The following ZPBP variants were observed in gnomAD, a reference collection of about 807,000 sequenced individuals.
ZPBP encodes the protein zona pellucida-binding protein 1.
In ZPBP, 26 loss-of-function variants were observed where a neutral mutation model predicts 44.8. The ratio of observed to expected loss-of-function variants is 0.58; its 90% confidence interval spans 0.43 to 0.81. ZPBP has a LOEUF of 0.81. Among genes scored for constraint, ZPBP ranks in the 30% least tolerant of loss-of-function variants. The probability of loss-of-function intolerance (pLI) is 0.00; values close to 1 mark genes in which losing one functional copy is unlikely to be tolerated. For missense variants in ZPBP, 409 were observed against 434.0 expected, an observed-to-expected ratio of 0.94 and a Z score of 0.51; for synonymous variants, 174 against 153.2, an observed-to-expected ratio of 1.14 and a Z score of -1.00.
chr7:49,981,056 G>T (rs921567569), intron 7 of ZPBP, among the ~76,000 whole-genome samples: 1 of 148,546 alleles, frequency 6.7e-6, no homozygotes, highest in African/African-American at 2.5e-5. Flanking sequence ...AGTTATATTA[G>T]GAAATAGAAT....
chr7:49,955,897 A>AGG (rs964634981), intron 7 of ZPBP, among the ~76,000 whole-genome samples: 3 of 152,186 alleles, frequency 2.0e-5, no homozygotes, highest in African/African-American at 7.2e-5. Flanking sequence ...CAAACTCTTG[A>AGG]GGATATACAT....
In ZPBP at chr7:50,031,243, A is replaced by C. The variant is rs746592690; in HGVS notation, c.555T>G (p.Ile185Met). 1.2e-6 allele frequency: 2 copies of C among 1,612,778 alleles called. No individual in the cohort carries two copies. The highest frequency in any genetic ancestry group is 3.3e-5 in the Admixed American group (2 of 59,990). The change falls in exon 5 of 8, where the codon ATT (isoleucine) becomes ATG (methionine). Residue 185 changes from isoleucine (I) to methionine (M), a missense_variant. Ile to Met is a conservative substitution (Grantham distance 10, BLOSUM62 1). This residue lies in a region of ZPBP where 367 missense variants were observed against 363.1 expected (regional missense o/e 1.01). Coordinates refer to ENST00000046087, the MANE Select transcript of ZPBP (RefSeq NM_007009.3). ...ARYHAAPCNS[I>M]YNISFEKKLL... ...GTTTCTTCTCAAAAGAAATATTATAAATGCTATTGCAGGGAGCTGCATGAT... is the reference window on the plus strand; with the variant it reads ...GTTTCTTCTCAAAAGAAATATTATACATGCTATTGCAGGGAGCTGCATGAT...
At chr7:50,065,013 A>G (rs1391618074) in intron 3 of ZPBP, among the ~76,000 whole-genome samples, 3 of 152,222 alleles carry the variant, frequency 2.0e-5, no homozygotes, top group Non-Finnish European at 4.4e-5. Context: ...GGAACTAATA[A>G]ATGTCCATAA....
chr7:49,956,762 T>A (rs909849489), intron 7 of ZPBP, among the ~76,000 whole-genome samples: 7 of 152,160 alleles, frequency 4.6e-5, no homozygotes, highest in Non-Finnish European at 1.0e-4. Flanking sequence ...ATCAATATCC[T>A]AGAATAATTT....
At chr7:49,988,455 G>A (rs146586585) in intron 6 of ZPBP, among the ~76,000 whole-genome samples, 168 of 151,922 alleles carry the variant, frequency 1.1e-3, no homozygotes, top group Non-Finnish European at 1.7e-3. Context: ...TCTTCTTTAG[G>A]TTATATTTTA....
chr7:49,892,625 T>C (rs929446292), intron 2 of ZPBP, among the ~76,000 whole-genome samples: 1 of 152,206 alleles, frequency 6.6e-6, no homozygotes, highest in Non-Finnish European at 1.5e-5. Flanking sequence ...GGCATTTTTG[T>C]GTGTGCTCTC....
intron 1 of ZPBP, among the ~76,000 whole-genome samples, chr7:49,924,136 A>AAT (rs201541623): frequency 1.3e-5 from 2 of 149,460 alleles, no homozygotes; most frequent in African/African-American, 4.9e-5. Flanking sequence ...TAATAATAAT[A>AAT]AATAATAATA....
At chr7:49,885,111 G>C (rs1317989024) in intron 2 of ZPBP, among the ~76,000 whole-genome samples, 2 of 151,850 alleles carry the variant, frequency 1.3e-5, no homozygotes, top group African/African-American at 4.8e-5. Context: ...TTATAATCTG[G>C]GTTCACTAAA....
At chr7:50,047,923 A>G (rs1015928086) in intron 4 of ZPBP, among the ~76,000 whole-genome samples, 14 of 152,152 alleles carry the variant, frequency 9.2e-5, no homozygotes, top group African/African-American at 3.4e-4. Flanking sequence ...AATGAGAAAT[A>G]TGTTTCCGTT....
intron 6 of ZPBP, among the ~76,000 whole-genome samples, chr7:50,000,843 A>G (rs1223017669): frequency 6.6e-6 from 1 of 152,150 alleles, no homozygotes; most frequent in African/African-American, 2.4e-5. Flanking sequence ...AACACCCAGT[A>G]CCTCAGAATG....
At chr7:49,886,905 A>G (rs1330312841) in intron 2 of ZPBP, among the ~76,000 whole-genome samples, 2 of 151,896 alleles carry the variant, frequency 1.3e-5, no homozygotes, top group African/African-American at 2.4e-5. Flanking sequence ...CTTCTACCCT[A>G]ATTTCTACTT....
At chr7:50,030,155 T>A (rs1041679262) in intron 5 of ZPBP, among the ~76,000 whole-genome samples, 6 of 152,084 alleles carry the variant, frequency 3.9e-5, no homozygotes, top group African/African-American at 1.4e-4. Context: ...TCAGGTTTTC[T>A]AAGGACTGAT....
At chr7:50,083,220 A>G (rs1436486645) in intron 2 of ZPBP, among the ~76,000 whole-genome samples, 2 of 151,896 alleles carry the variant, frequency 1.3e-5, no homozygotes, top group Non-Finnish European at 2.9e-5. Context: ...ATCAACATAC[A>G]AAAACAAATA....
intron 7 of ZPBP, chr7:49,944,452 G>C (rs929288936): frequency 7.0e-5 from 12 of 171,220 alleles, no homozygotes; most frequent in Non-Finnish European, 1.4e-4. Flanking sequence ...TTGGCGATGA[G>C]ATGGGAACTG....
At chr7:49,930,394 T>A (rs1016988699) in intron 1 of ZPBP, among the ~76,000 whole-genome samples, 1 of 152,120 alleles carries the variant, frequency 6.6e-6, no homozygotes, top group African/African-American at 2.4e-5. Flanking sequence ...CTCCGGCAAA[T>A]TAAATATAAA....
intron 6 of ZPBP, among the ~76,000 whole-genome samples, chr7:49,990,353 C>T (rs979844786): frequency 6.6e-6 from 1 of 152,190 alleles, no homozygotes; most frequent in Non-Finnish European, 1.5e-5. Flanking sequence ...CTTTGACACC[C>T]ATGGAAAGCA....
chr7:49,868,180 T>A (rs1011890258), intron 2 of ZPBP, among the ~76,000 whole-genome samples: 3 of 152,220 alleles, frequency 2.0e-5, no homozygotes, highest in Admixed American at 2.0e-4. Flanking sequence ...GAATGATTCA[T>A]TCACCCTACA....
At chr7:49,870,128 C>T (rs1222131375) in intron 2 of ZPBP, among the ~76,000 whole-genome samples, 7 of 152,142 alleles carry the variant, frequency 4.6e-5, no homozygotes, top group East Asian at 1.9e-4. Context: ...TCGCTGGGTG[C>T]GGTGGCTCAT....
At chr7:49,968,905 G>A (rs1796171155) in intron 7 of ZPBP, among the ~76,000 whole-genome samples, 1 of 151,804 alleles carries the variant, frequency 6.6e-6, no homozygotes, top group Admixed American at 6.6e-5. Context: ...CTATAAGAAT[G>A]TATCTCATAG....
Sources: gnomAD v4.1 joint callset for allele counts (sites outside exome capture counted in the v4.1 genomes callset) on GRCh38, gnomAD v4.1.1 for gene constraint, gnomAD v4.1.1 regional missense constraint, MANE v1.5 for transcripts, NCBI Gene and HGNC (gene_info 2026-07-23, HGNC 2026-07-21) for gene names.